Variants in USP6NL observed in about 807,000 individuals in gnomAD.
The protein encoded by USP6NL is USP6 N-terminal like.
USP6NL carries 26 observed loss-of-function variants against 61.9 expected under a neutral mutation model. That is an observed-to-expected ratio of 0.42 (90% CI 0.31 to 0.58). The LOEUF (loss-of-function observed/expected upper bound fraction) is 0.58, where lower values mean the gene tolerates loss of function less well. Among genes scored for constraint, USP6NL ranks in the 20% least tolerant of loss-of-function variants. USP6NL has a pLI of 0.16. For synonymous variants in USP6NL, 432 were observed against 390.1 expected, an observed-to-expected ratio of 1.11 and a Z score of -1.27; for missense variants, 1,114 against 1,034.3, an observed-to-expected ratio of 1.08 and a Z score of -1.06.
chr10:11,533,884 A>C (rs1045889379), intron 2 of USP6NL, among the ~76,000 whole-genome samples: 8 of 152,198 alleles, frequency 5.3e-5, no homozygotes, highest in African/African-American at 1.9e-4. Flanking sequence ...CAACAGGAAG[A>C]ACTGACAAAG....
chr10:11,525,537 G>C lies in USP6NL; in HGVS notation c.73-69C>G. 1 of 1,346,090 alleles carries C rather than the reference G, an allele frequency of 7.4e-7. No individual in the cohort carries two copies. Among genetic ancestry groups the C allele is most frequent in the Admixed American group, 2.7e-5 (1 of 37,698 alleles). 83.4% of individuals were successfully genotyped at this position (1,346,090 alleles called of 1,614,324 possible). On this transcript the variant is annotated intron_variant, in intron 3 of 14. Coordinates refer to ENST00000609104, the MANE Select transcript of USP6NL (RefSeq NM_014688.5). This position sits in a 1 kb window ranked among gnomAD's most constrained non-coding sequence, Gnocchi z 5.0. ...ACTGAATAATTTTTTAAAATAAAAG[G>C]ACGAAGAAATAAGAGCTATTTTTAA...
intron 14 of USP6NL, among the ~76,000 whole-genome samples, chr10:11,475,051 T>A (rs1385818453): frequency 1.3e-5 from 2 of 152,180 alleles, no homozygotes; most frequent in Non-Finnish European, 1.5e-5. Flanking sequence ...TAAATCTGGC[T>A]AAATTGGCAG....
chr10:11,579,696 G>A (rs1436679904), intron 2 of USP6NL, among the ~76,000 whole-genome samples: 1 of 152,118 alleles, frequency 6.6e-6, no homozygotes, highest in Non-Finnish European at 1.5e-5. Context: ...CTATCAGAAC[G>A]CTTATCCCAG....
In USP6NL at chr10:11,481,497, T is replaced by C. The variant is rs1214499211; in HGVS notation, c.1078+273A>G. The stretch of plus-strand genomic sequence containing the variant: ...TCGTTTAAAGCACCATGGCTACTTC[T>C]GTTGAACAACAGTATTTGCCAACCA... On this transcript the variant is annotated intron_variant, in intron 14 of 14. Transcript: ENST00000609104. This position sits in a 1 kb window ranked among gnomAD's most constrained non-coding sequence, Gnocchi z 4.4. 5.3e-5 allele frequency among the ~76,000 whole-genome samples: 8 copies of C among 152,260 alleles called. No homozygotes were observed. The highest frequency in any genetic ancestry group is 7.3e-5 in the Non-Finnish European group (5 of 68,048).
In USP6NL at chr10:11,537,082, T is replaced by C. The variant is rs1297635916; in HGVS notation, c.5-9515A>G. 6.6e-6 allele frequency among the ~76,000 whole-genome samples: 1 copy of C among 151,978 alleles called. No homozygotes were observed. The highest frequency in any genetic ancestry group is 1.5e-5 in the Non-Finnish European group (1 of 67,982). On this transcript the variant is annotated intron_variant, in intron 2 of 14. Coordinates refer to ENST00000609104, the MANE Select transcript of USP6NL (RefSeq NM_014688.5). The surrounding 1 kb of genome is among the most constrained non-coding windows in gnomAD (Gnocchi z 5.1). The stretch of plus-strand genomic sequence containing the variant: ...AAGAGCCACACAAGTTCCATACATA[T>C]CTTCATATTCCTCCAGGTTTTGTTT...
chr10:11,586,170 T>A lies in USP6NL; in HGVS notation c.4+11461A>T, dbSNP rs139810761. On this transcript the variant is annotated intron_variant, in intron 2 of 14. Transcript: ENST00000609104. Reference sequence around the variant, plus strand: ...CTATATGATGTCATTTTGAGCCTACTAGGCTAGTGATGGTGAAACTGATAT... The same window carrying A: ...CTATATGATGTCATTTTGAGCCTACAAGGCTAGTGATGGTGAAACTGATAT... Among the ~76,000 whole-genome samples the A allele has an allele frequency of 3.3e-5, 5 of 152,342 alleles. No homozygotes were observed. The East Asian group carries it at 9.6e-4, about 29-fold the overall frequency.
intron 2 of USP6NL, among the ~76,000 whole-genome samples, chr10:11,544,712 C>T (rs1472966042): frequency 6.6e-6 from 1 of 152,040 alleles, no homozygotes; most frequent in Admixed American, 6.5e-5. Flanking sequence ...TGGTCTCAAA[C>T]TCCTTACCTC....
chr10:11,581,105 A>G (rs1479861759), intron 2 of USP6NL, among the ~76,000 whole-genome samples: 1 of 152,118 alleles, frequency 6.6e-6, no homozygotes, highest in African/African-American at 2.4e-5. Context: ...TTGTCAATAC[A>G]CATCTCTAAT....
chr10:11,577,514 G>A (rs1047874295), intron 2 of USP6NL, among the ~76,000 whole-genome samples: 1 of 151,528 alleles, frequency 6.6e-6, no homozygotes, highest in African/African-American at 2.4e-5. Context: ...TGTTTGTTTT[G>A]GGGGAGGACA....
At chr10:11,610,684 C>A (rs1431399042) in intron 1 of USP6NL, among the ~76,000 whole-genome samples, 1 of 150,492 alleles carries the variant, frequency 6.6e-6, no homozygotes, top group African/African-American at 2.5e-5. Flanking sequence ...CCTAATTCAA[C>A]AAGCCTTCCC....
chr10:11,590,174 A>G (rs1279610304), intron 2 of USP6NL, among the ~76,000 whole-genome samples: 1 of 152,218 alleles, frequency 6.6e-6, no homozygotes, highest in Non-Finnish European at 1.5e-5. Context: ...GACCTTTCTA[A>G]CCCGTAGCTT....
intron 2 of USP6NL, among the ~76,000 whole-genome samples, chr10:11,556,285 G>C (rs1836703471): frequency 6.6e-6 from 1 of 151,930 alleles, no homozygotes; most frequent in Non-Finnish European, 1.5e-5. Flanking sequence ...TAACACTAAA[G>C]AATAACAAAA....
In USP6NL at chr10:11,537,855, A is replaced by G. The variant is rs903311085; in HGVS notation, c.5-10288T>C. ...TGATTTCCCTTCCCGTCAGCTTCCC[A>G]GCTGCCACCTCAGCCTCCCTTCAAG... On this transcript the variant is annotated intron_variant, in intron 2 of 14. Transcript: ENST00000609104. The surrounding 1 kb of genome is among the most constrained non-coding windows in gnomAD (Gnocchi z 5.1). Among the ~76,000 whole-genome samples the G allele has an allele frequency of 6.6e-6, 1 of 151,840 alleles. No homozygotes were observed. The highest frequency in any genetic ancestry group is 1.5e-5 in the Non-Finnish European group (1 of 68,000).
intron 6 of USP6NL, 109 bp from the exon 7 acceptor site, chr10:11,501,317 T>C (rs1834181039): frequency 4.8e-6 from 4 of 831,488 alleles, no homozygotes; most frequent in Non-Finnish European, 7.4e-6. Flanking sequence ...AAAGCATCTA[T>C]GGCAATTAAT....
chr10:11,594,441 TA>T (rs1173432529), intron 2 of USP6NL, among the ~76,000 whole-genome samples: 1 of 152,256 alleles, frequency 6.6e-6, no homozygotes, highest in African/African-American at 2.4e-5. Context: ...GAAATCTCAT[TA>T]AGTTGCTTCT....
intron 2 of USP6NL, among the ~76,000 whole-genome samples, chr10:11,572,573 C>T (rs1837402308): frequency 6.6e-6 from 1 of 151,904 alleles, no homozygotes; most frequent in Non-Finnish European, 1.5e-5. Context: ...TATCACAATT[C>T]ATACTATCAT....
intron 2 of USP6NL, among the ~76,000 whole-genome samples, chr10:11,576,491 T>C (rs1027340593): frequency 2.0e-5 from 3 of 152,230 alleles, no homozygotes; most frequent in Non-Finnish European, 2.9e-5. Flanking sequence ...ATGGGCTTAG[T>C]GCCCTTACAA....
intron 7 of USP6NL, among the ~76,000 whole-genome samples, chr10:11,497,421 A>G (rs1005859368): frequency 6.6e-6 from 1 of 151,622 alleles, no homozygotes; most frequent in East Asian, 1.9e-4. Context: ...CAAAAAAAAA[A>G]AAAAAAGAAA....
chr10:11,490,533 T>C lies in USP6NL; in HGVS notation c.543+299A>G, dbSNP rs1344117058. Among the ~76,000 whole-genome samples the C allele has an allele frequency of 6.6e-6, 1 of 152,126 alleles. No individual in the cohort carries two copies. The highest frequency in any genetic ancestry group is 1.9e-4 in the East Asian group (1 of 5,198). On this transcript the variant is annotated intron_variant, in intron 9 of 14. Transcript: ENST00000609104. The surrounding 1 kb of genome is among the most constrained non-coding windows in gnomAD (Gnocchi z 4.5). ...CTGTCCTTCTACCCTGTATATCTGC[T>C]TAAAAATAAAAACAAAACAACACAA...
Sources: gnomAD v4.1 joint callset for allele counts (sites outside exome capture counted in the v4.1 genomes callset) on GRCh38, gnomAD v4.1.1 for gene constraint, Gnocchi (gnomAD v3.1) non-coding constraint, MANE v1.5 for transcripts, NCBI Gene and HGNC (gene_info 2026-07-23, HGNC 2026-07-21) for gene names.